Variants in KIAA1217 observed in about 807,000 individuals in gnomAD.
KIAA1217 encodes the protein KIAA1217.
Under a neutral mutation model 163.9 loss-of-function variants are expected in KIAA1217, and 88 were observed. That is an observed-to-expected ratio of 0.54 (90% CI 0.45 to 0.64). KIAA1217 has a LOEUF of 0.64. Ranked by LOEUF, KIAA1217 falls within the 30% of genes least tolerant of loss-of-function variation. KIAA1217 has a pLI of 0.00. For missense variants in KIAA1217, 2,372 were observed against 2,475.0 expected (o/e 0.96, Z 0.88); for synonymous variants, 903 against 923.1 (o/e 0.98, Z 0.39).
intron 2 of KIAA1217, among the ~76,000 whole-genome samples, chr10:24,141,224 A>ACCC (rs1359702155): frequency 1.6e-3 from 121 of 73,902 alleles, no homozygotes; most frequent in Non-Finnish European, 2.5e-3. Flanking sequence ...AGAAAGAATA[A>ACCC]ACCCCCCCCC....
At chr10:24,011,322 C>CA (rs995504647) in intron 2 of KIAA1217, among the ~76,000 whole-genome samples, 1 of 151,710 alleles carries the variant, frequency 6.6e-6, no homozygotes, top group African/African-American at 2.4e-5. Flanking sequence ...CCCATCTTTA[C>CA]AAAAAAATTT....
chr10:24,218,689 C>G (rs895648521), intron 1 of KIAA1217, among the ~76,000 whole-genome samples: 20 of 152,078 alleles, frequency 1.3e-4, no homozygotes, highest in Admixed American at 5.2e-4. Flanking sequence ...CGGGGTTTCA[C>G]TGTGTTAGCC....
Position 24,279,289 on chromosome 10 carries a change from T to TA in KIAA1217, c.354+59387dup, listed in dbSNP as rs1564394972. 2.0e-5 allele frequency among the ~76,000 whole-genome samples: 3 copies of TA among 151,518 alleles called. No individual in the cohort carries two copies. In the South Asian group the frequency reaches 6.2e-4, roughly 32 times the overall value. ...GTTTTTGTTTGTTTGTTTTTTTTTT[T>TA]AAAAAAAGATCTGCAGAGGCTATTG... On this transcript the variant is annotated intron_variant, in intron 2 of 20. Transcript: ENST00000376454.
chr10:23,869,471 C>A (rs1274537431), intron 1 of KIAA1217, among the ~76,000 whole-genome samples: 1 of 152,032 alleles, frequency 6.6e-6, no homozygotes, highest in Non-Finnish European at 1.5e-5. Flanking sequence ...CTGAGCATCT[C>A]TTTTATTGAC....
chr10:23,724,443 A>G (rs34848049), intron 1 of KIAA1217, among the ~76,000 whole-genome samples: 43,752 of 152,028 alleles, frequency 0.29, 7,220 homozygotes, highest in African/African-American at 0.44. Flanking sequence ...TTTAATTAAC[A>G]ATTTTCTATA....
chr10:23,748,461 C>CAAGG (rs763422691), intron 1 of KIAA1217, among the ~76,000 whole-genome samples: 4,042 of 133,578 alleles, frequency 0.03, 189 homozygotes, highest in African/African-American at 0.099. Flanking sequence ...AGGAAGGAAG[C>CAAGG]AAGGAAGGAA....
intron 2 of KIAA1217, among the ~76,000 whole-genome samples, chr10:24,202,766 C>T (rs753806248): frequency 5.9e-5 from 9 of 152,314 alleles, no homozygotes; most frequent in South Asian, 2.1e-4. Flanking sequence ...CTAGAGCAGG[C>T]GCCCAGCTGC....
intron 1 of KIAA1217, among the ~76,000 whole-genome samples, chr10:23,795,013 G>A (rs1427780752): frequency 1.3e-5 from 2 of 152,282 alleles, no homozygotes; most frequent in African/African-American, 2.4e-5. Flanking sequence ...TCTTCCTCAC[G>A]GGACCCTCAG....
chr10:24,294,232 GT>G (rs2079452843), intron 2 of KIAA1217, among the ~76,000 whole-genome samples: 1 of 144,780 alleles, frequency 6.9e-6, no homozygotes, highest in Non-Finnish European at 1.5e-5. Flanking sequence ...TCCTTTCCAC[GT>G]GGAGTGGACT....
chr10:24,079,678 G>A (rs1352784592), intron 2 of KIAA1217, among the ~76,000 whole-genome samples: 3 of 152,076 alleles, frequency 2.0e-5, no homozygotes, highest in Non-Finnish European at 4.4e-5. Flanking sequence ...CCAGAAAATG[G>A]TTTGTTTGCA....
intron 2 of KIAA1217, among the ~76,000 whole-genome samples, chr10:24,224,905 C>T (rs559288092): frequency 7.5e-4 from 111 of 147,812 alleles, no homozygotes; most frequent in African/African-American, 2.7e-3. Flanking sequence ...CGGCTTACTG[C>T]AAGCTCCGCC....
At chr10:23,956,334 C>G (rs1714429440) in intron 1 of KIAA1217, among the ~76,000 whole-genome samples, 1 of 152,154 alleles carries the variant, frequency 6.6e-6, no homozygotes, top group Admixed American at 6.5e-5. Context: ...TACACACACA[C>G]TTACTTTAGC....
At chr10:24,398,228 T>C (rs560708552) in intron 3 of KIAA1217, among the ~76,000 whole-genome samples, 2 of 152,202 alleles carry the variant, frequency 1.3e-5, no homozygotes, top group Non-Finnish European at 2.9e-5. Context: ...GAAAATCTTA[T>C]TAAGATAATC....
intron 1 of KIAA1217, among the ~76,000 whole-genome samples, chr10:23,811,002 A>G (rs1837015717): frequency 8.1e-6 from 1 of 123,650 alleles, no homozygotes; most frequent in Non-Finnish European, 1.6e-5. Flanking sequence ...CTATATTATT[A>G]TACTATATAG....
At position 24,445,041 on chromosome 10, in the gene KIAA1217, C is replaced by T. The variant is rs1322833598; in HGVS notation, c.846+6562C>T. On this transcript the variant is annotated intron_variant, in intron 5 of 20. Coordinates refer to ENST00000376454, the MANE Select transcript of KIAA1217 (RefSeq NM_019590.5). ...ATAAATAGTATTCATTCTCTACCAT[C>T]GTTGTTCTAGATAGAAGATAGCAAA... is the stretch of plus-strand genomic sequence containing the variant. Among the ~76,000 whole-genome samples, 6 of 152,306 alleles carry T rather than the reference C, an allele frequency of 3.9e-5. No individual in the cohort carries two copies. In the South Asian group the frequency reaches 1.0e-3, roughly 26 times the overall value.
intron 2 of KIAA1217, among the ~76,000 whole-genome samples, chr10:24,181,775 T>C (rs1390538445): frequency 6.6e-6 from 1 of 152,140 alleles, no homozygotes; most frequent in East Asian, 1.9e-4. Context: ...TAATTCCTTT[T>C]TGGGTGAGAG....
At chr10:24,138,958 G>T (rs75696951) in intron 2 of KIAA1217, among the ~76,000 whole-genome samples, 7,665 of 152,134 alleles carry the variant, frequency 0.05, 299 homozygotes, top group Non-Finnish European at 0.08. Flanking sequence ...TTTTAATAAG[G>T]AAAGAAATAT....
chr10:24,186,836 G>A (rs1473396716), intron 2 of KIAA1217, among the ~76,000 whole-genome samples: 2 of 152,140 alleles, frequency 1.3e-5, no homozygotes, highest in African/African-American at 4.8e-5. Context: ...GCTGCAGTGG[G>A]CCAAGACGGT....
At position 24,106,570 on chromosome 10, in the gene KIAA1217, GA is replaced by G. The variant is rs111957100; in HGVS notation, c.-171+99205del. Among the ~76,000 whole-genome samples the G allele has an allele frequency of 4.5e-3, 682 of 150,240 alleles. 2 individuals are homozygous for G. Among genetic ancestry groups the G allele is most frequent in the African/African-American group, 0.016 (644 of 40,938 alleles). Reference sequence around the variant, plus strand: ...CTAAGTTGACTTCATTTACATGACAGAAAAAAAAACCCTTGTGTGTTTATGC... The same window carrying G: ...CTAAGTTGACTTCATTTACATGACAGAAAAAAAACCCTTGTGTGTTTATGC... On this transcript the variant is annotated intron_variant, in intron 2 of 18. Coordinates refer to the KIAA1217 transcript ENST00000376462.
Sources: allele counts gnomAD v4.1 joint callset (sites outside exome capture counted in the v4.1 genomes callset), GRCh38; gene constraint gnomAD v4.1.1; transcripts MANE v1.5; gene names NCBI Gene and HGNC (gene_info 2026-07-23, HGNC 2026-07-21).